PDZD2: variants seen among roughly 807,000 people sequenced by gnomAD.
PDZD2 encodes PDZ domain-containing protein 2.
Under a neutral mutation model 220.7 loss-of-function variants are expected in PDZD2, and 90 were observed. The observed-to-expected ratio is 0.41, with a 90% CI of 0.34 to 0.49. PDZD2 has a LOEUF of 0.49. Ranked by LOEUF, PDZD2 falls within the 20% of genes least tolerant of loss-of-function variation. The pLI is 0.28. For missense variants in PDZD2, 3,174 were observed against 3,608.5 expected (o/e 0.88, Z 3.08); for synonymous variants, 1,375 against 1,450.5 (o/e 0.95, Z 1.18).
chr5:31,696,469 GT>G (rs11358736), intron 1 of PDZD2, among the ~76,000 whole-genome samples: 67,692 of 151,664 alleles, frequency 0.45, 15,688 homozygotes, highest in East Asian at 0.62. Context: ...CTAATGGTTT[GT>G]TTTTTTTGTA....
intron 2 of PDZD2, among the ~76,000 whole-genome samples, chr5:31,800,614 G>A (rs1002508246): frequency 1.3e-5 from 2 of 152,206 alleles, no homozygotes; most frequent in African/African-American, 4.8e-5. Flanking sequence ...GATATTCTGA[G>A]GGGTTAGATC....
In PDZD2 at chr5:32,000,021, C is replaced by T. The variant is rs1751974922; in HGVS notation, c.1122-118C>T. ...CAACTGCCTCTGGCCATCACAGTATCCTCTTTAGCCCAATCTTAACCGTCC... is the reference window on the plus strand; with the variant it reads ...CAACTGCCTCTGGCCATCACAGTATTCTCTTTAGCCCAATCTTAACCGTCC... On this transcript the variant is annotated intron_variant, in intron 4 of 24. Coordinates refer to ENST00000438447, the MANE Select transcript of PDZD2 (RefSeq NM_178140.4). The surrounding 1 kb of genome is among the most constrained non-coding windows in gnomAD (Gnocchi z 4.5). 1.3e-6 allele frequency: 1 copy of T among 785,360 alleles called. No individual in the cohort carries two copies. The highest frequency in any genetic ancestry group is 2.4e-5 in the Admixed American group (1 of 41,758). 48.6% of individuals were successfully genotyped at this position (785,360 alleles called of 1,614,324 possible).
intron 2 of PDZD2, among the ~76,000 whole-genome samples, chr5:31,906,726 C>T (rs1420340375): frequency 6.6e-6 from 1 of 151,984 alleles, no homozygotes; most frequent in Non-Finnish European, 1.5e-5. Context: ...GCCTGTAGTC[C>T]CAGCTGGTTG....
intron 1 of PDZD2, among the ~76,000 whole-genome samples, chr5:31,771,774 A>G (rs1752351218): frequency 6.6e-6 from 1 of 152,202 alleles, no homozygotes; most frequent in Non-Finnish European, 1.5e-5. Context: ...AGTAAAGGAC[A>G]GTTGACGCAA....
rs781370177 is a variant in PDZD2 at position 31,883,023 on chromosome 5, C to CAAAAAAAAAA, written c.476+83315_476+83324dup. On this transcript the variant is annotated intron_variant, in intron 2 of 24. Transcript: ENST00000438447. ...CCATCCTGGGTGACAGACTCTGTCT[C>CAAAAAAAAAA]AAAAAAAAAAAAAAAAAAAAAAAAA... 3.3e-3 allele frequency among the ~76,000 whole-genome samples: 160 copies of CAAAAAAAAAA among 47,956 alleles called. 8 individuals are homozygous for CAAAAAAAAAA. Among genetic ancestry groups the CAAAAAAAAAA allele is most frequent in the African/African-American group, 0.012 (156 of 13,202 alleles). 31.5% of individuals were successfully genotyped at this position (47,956 alleles called of 152,430 possible). A position where few individuals can be genotyped will look rare whatever the true frequency, so the allele number is the denominator to read the frequency against.
At chr5:31,765,982 C>T (rs117443814) in intron 1 of PDZD2, among the ~76,000 whole-genome samples, 2,486 of 152,152 alleles carry the variant, frequency 0.016, 163 homozygotes, top group Admixed American at 0.12. Context: ...GGTTCAAGAC[C>T]AGCCTGGGCA....
At chr5:31,855,501 C>T (rs934642152) in intron 2 of PDZD2, among the ~76,000 whole-genome samples, 2 of 152,196 alleles carry the variant, frequency 1.3e-5, no homozygotes, top group Non-Finnish European at 2.9e-5. Context: ...TAGGGGGTTC[C>T]GGAGCCACGG....
chr5:32,009,026 A>G lies in PDZD2; in HGVS notation c.1255-1304A>G, dbSNP rs186677875. Among the ~76,000 whole-genome samples, 523 of 151,362 alleles carry G rather than the reference A, an allele frequency of 3.5e-3. 2 individuals carry two copies. Among genetic ancestry groups the G allele is most frequent in the Middle Eastern group, 0.01 (3 of 292 alleles). Reference sequence around the variant, plus strand: ...GACAGGAGGAGGGGGATGAGTTTGGAGAGTGGGGCAGAAGCAGCTCTAAAA... The same window carrying G: ...GACAGGAGGAGGGGGATGAGTTTGGGGAGTGGGGCAGAAGCAGCTCTAAAA... On this transcript the variant is annotated intron_variant, in intron 5 of 24. Transcript: ENST00000438447.
intron 2 of PDZD2, among the ~76,000 whole-genome samples, chr5:31,850,164 G>C (rs1299532843): frequency 8.4e-6 from 1 of 118,974 alleles, no homozygotes. Context: ...GTGTATATAT[G>C]TATATATAAG....
chr5:31,851,945 C>T (rs964676116), intron 2 of PDZD2, among the ~76,000 whole-genome samples: 1 of 151,936 alleles, frequency 6.6e-6, no homozygotes, highest in African/African-American at 2.4e-5. Flanking sequence ...CAACCTCCGC[C>T]TCCTGGGTTG....
At chr5:31,792,109 C>T (rs1388535991) in intron 1 of PDZD2, among the ~76,000 whole-genome samples, 1 of 152,194 alleles carries the variant, frequency 6.6e-6, no homozygotes, top group Non-Finnish European at 1.5e-5. Context: ...TTCATTGCCA[C>T]TCCCAACAAA....
chr5:31,649,261 G>T (rs898010348), intron 1 of PDZD2, among the ~76,000 whole-genome samples: 1 of 151,960 alleles, frequency 6.6e-6, no homozygotes, highest in African/African-American at 2.4e-5. Flanking sequence ...TGTGATTCAG[G>T]CTCCTTGCCC....
intron 2 of PDZD2, among the ~76,000 whole-genome samples, chr5:31,802,818 G>A (rs1031130975): frequency 4.0e-5 from 6 of 151,218 alleles, no homozygotes; most frequent in Admixed American, 2.0e-4. Flanking sequence ...TACTTGGGAG[G>A]CTGAGGCAGG....
chr5:32,096,032 C>T (rs1053495995), intron 21 of PDZD2, among the ~76,000 whole-genome samples: 5 of 151,242 alleles, frequency 3.3e-5, no homozygotes, highest in African/African-American at 1.2e-4. Flanking sequence ...CGTGAGCCAC[C>T]GCACCCGGCG....
At chr5:31,951,302 C>T (rs940120367) in intron 2 of PDZD2, among the ~76,000 whole-genome samples, 2 of 152,078 alleles carry the variant, frequency 1.3e-5, no homozygotes, top group Non-Finnish European at 2.9e-5. Flanking sequence ...TCCTGGGTTC[C>T]AGTGATCCTC....
At position 32,090,504 on chromosome 5, in the gene PDZD2, A is replaced by G; in HGVS notation, c.7056A>G (p.Val2352=). 6.2e-7 allele frequency: 1 copy of G among 1,614,050 alleles called. No individual in the cohort carries two copies. Among genetic ancestry groups the G allele is most frequent in the Non-Finnish European group, 8.5e-7 (1 of 1,180,008 alleles). The change falls in exon 20 of 25, where the codon GTA becomes GTG. Residue 2352 remains valine (V), a synonymous_variant. Transcript: ENST00000438447. The surrounding 1 kb of genome is among the most constrained non-coding windows in gnomAD (Gnocchi z 4.3). ...FENLANADRP[V]AKSGASPFLS... ...ACCTGGCCAATGCTGACCGGCCTGT[A>G]GCCAAGTCCGGGGCTTCCCCATTTT...
chr5:31,740,558 A>AAAAAAAC (rs1475550222), intron 1 of PDZD2, among the ~76,000 whole-genome samples: 1 of 141,516 alleles, frequency 7.1e-6, no homozygotes, highest in African/African-American at 2.6e-5. Flanking sequence ...AAAAAAAAAA[A>AAAAAAAC]TCTGCTGTTG....
chr5:31,969,203 A>T (rs1020192191), intron 2 of PDZD2, among the ~76,000 whole-genome samples: 1 of 152,040 alleles, frequency 6.6e-6, no homozygotes, highest in Non-Finnish European at 1.5e-5. Context: ...AGTGAGAAAG[A>T]TAACACCAAA....
At chr5:32,001,119 C>T (rs1379902175) in intron 5 of PDZD2, among the ~76,000 whole-genome samples, 1 of 152,220 alleles carries the variant, frequency 6.6e-6, no homozygotes, top group Middle Eastern at 3.2e-3. Flanking sequence ...CTTGCCCCTA[C>T]CATCCTTGGA....
Sources: gnomAD v4.1 joint callset for allele counts (sites outside exome capture counted in the v4.1 genomes callset) on GRCh38, gnomAD v4.1.1 for gene constraint, Gnocchi (gnomAD v3.1) non-coding constraint, MANE v1.5 for transcripts, NCBI Gene and HGNC (gene_info 2026-07-23, HGNC 2026-07-21) for gene names.